HSD17B12: variants seen among roughly 807,000 people sequenced by gnomAD.
HSD17B12 encodes the protein very-long-chain 3-oxoacyl-CoA reductase.
HSD17B12 carries 32 observed loss-of-function variants against 39.3 expected under a neutral mutation model. That is an observed-to-expected ratio of 0.81 (90% CI 0.61 to 1.09). The LOEUF (loss-of-function observed/expected upper bound fraction) is 1.09. HSD17B12 is among the 50% of genes least tolerant of loss of function. The probability of loss-of-function intolerance (pLI) is 0.00; values close to 1 mark genes in which losing one functional copy is unlikely to be tolerated. For missense variants in HSD17B12, 342 were observed against 382.9 expected (o/e 0.89, Z 0.89); for synonymous variants, 150 against 146.7 (o/e 1.02, Z -0.16).
At chr11:43,760,688 A>ATTAATG (rs1336195940) in intron 3 of HSD17B12, among the ~76,000 whole-genome samples, 2 of 152,228 alleles carry the variant, frequency 1.3e-5, no homozygotes, top group African/African-American at 4.8e-5. Context: ...TTTCTGATGC[A>ATTAATG]GTAATAATAC....
At chr11:43,680,581 G>A (rs1949731598), upstream of HSD17B12, 1 of 512,598 alleles carries the variant, frequency 2.0e-6, no homozygotes, top group Non-Finnish European at 3.5e-6. Context: ...CGGGGGACGC[G>A]GTGATGGGAG....
chr11:43,598,868 A>G, the HSD17B12 span, among the ~76,000 whole-genome samples: 1 of 152,278 alleles, frequency 6.6e-6, no homozygotes, highest in East Asian at 1.9e-4. Flanking sequence ...GCACTGTCAT[A>G]CCACATCTGC....
chr11:43,653,519 T>G, the HSD17B12 span, among the ~76,000 whole-genome samples: 1 of 152,240 alleles, frequency 6.6e-6, no homozygotes, highest in East Asian at 1.9e-4. Flanking sequence ...TCATTTAGCA[T>G]TAGGTATATC....
chr11:43,796,549 T>C (rs1235184574), intron 3 of HSD17B12, among the ~76,000 whole-genome samples: 1 of 152,228 alleles, frequency 6.6e-6, no homozygotes, highest in Non-Finnish European at 1.5e-5. Context: ...TTTGGTTCAT[T>C]ACTAAATAAC....
chr11:43,729,281 C>T (rs1481113342), intron 1 of HSD17B12, among the ~76,000 whole-genome samples: 1 of 152,018 alleles, frequency 6.6e-6, no homozygotes, highest in African/African-American at 2.4e-5. Flanking sequence ...TAATAAAATA[C>T]CAAGTTTATA....
At chr11:43,675,622 A>C in the HSD17B12 span, among the ~76,000 whole-genome samples, 4 of 148,132 alleles carry the variant, frequency 2.7e-5, no homozygotes, top group Admixed American at 6.7e-5. Context: ...AAAAAAAAAA[A>C]CCCTCTAGTT....
the HSD17B12 span, among the ~76,000 whole-genome samples, chr11:43,578,034 G>A: frequency 1.3e-5 from 2 of 152,154 alleles, no homozygotes; most frequent in Non-Finnish European, 2.9e-5. Context: ...GGGGGAATGA[G>A]TATCACGCGC....
At chr11:43,769,465 G>A (rs1172121935) in intron 3 of HSD17B12, among the ~76,000 whole-genome samples, 2 of 152,178 alleles carry the variant, frequency 1.3e-5, no homozygotes, top group African/African-American at 2.4e-5. Flanking sequence ...ACGTCACCCA[G>A]TGCACAGTAA....
At chr11:43,745,443 AATC>A (rs1211043036) in intron 1 of HSD17B12, among the ~76,000 whole-genome samples, 2 of 152,168 alleles carry the variant, frequency 1.3e-5, no homozygotes, top group Non-Finnish European at 2.9e-5. Context: ...TCATTGCTGT[AATC>A]ATATATATAG....
chr11:43,689,345 C>G (rs1432304264), intron 1 of HSD17B12, among the ~76,000 whole-genome samples: 2 of 152,070 alleles, frequency 1.3e-5, no homozygotes, highest in Non-Finnish European at 2.9e-5. Context: ...TAACAAGTTT[C>G]TTATCTCTCT....
At chr11:43,693,952 T>A (rs1949886661) in intron 1 of HSD17B12, among the ~76,000 whole-genome samples, 1 of 152,200 alleles carries the variant, frequency 6.6e-6, no homozygotes, top group Non-Finnish European at 1.5e-5. Flanking sequence ...ATCTGTGTGT[T>A]CCAATGCCTA....
At chr11:43,783,822 A>C (rs550619218) in intron 3 of HSD17B12, among the ~76,000 whole-genome samples, 26 of 152,174 alleles carry the variant, frequency 1.7e-4, no homozygotes, top group African/African-American at 5.8e-4. Context: ...TGAAACTGAG[A>C]AACTTAAAAA....
chr11:43,695,406 C>T (rs1949901684), intron 1 of HSD17B12, among the ~76,000 whole-genome samples: 1 of 151,892 alleles, frequency 6.6e-6, no homozygotes, highest in Admixed American at 6.6e-5. Flanking sequence ...CGGTGAAAAC[C>T]GGTCTCTACT....
chr11:43,739,319 C>T (rs1349075867), intron 1 of HSD17B12, among the ~76,000 whole-genome samples: 2 of 152,056 alleles, frequency 1.3e-5, no homozygotes, highest in Admixed American at 6.6e-5. Context: ...GGAGATGAGA[C>T]GGTTTAACTG....
At chr11:43,670,678 C>A in the HSD17B12 span, among the ~76,000 whole-genome samples, 1 of 152,138 alleles carries the variant, frequency 6.6e-6, no homozygotes, top group South Asian at 2.1e-4. Context: ...ATTGCTTGAG[C>A]CCAGGAGTTG....
At chr11:43,564,076 G>A in the HSD17B12 span, among the ~76,000 whole-genome samples, 1 of 152,064 alleles carries the variant, frequency 6.6e-6, no homozygotes, top group Non-Finnish European at 1.5e-5. Context: ...CAAGCTCCTA[G>A]ACTGAAGTGA....
intron 4 of HSD17B12, among the ~76,000 whole-genome samples, chr11:43,813,384 T>C (rs975656251): frequency 1.3e-5 from 2 of 152,168 alleles, no homozygotes; most frequent in Non-Finnish European, 2.9e-5. Context: ...TCCCATAGGC[T>C]AGAGGGAAAT....
intron 3 of HSD17B12, among the ~76,000 whole-genome samples, chr11:43,754,401 C>G (rs767883065): frequency 6.6e-6 from 1 of 151,788 alleles, no homozygotes; most frequent in Non-Finnish European, 1.5e-5. Flanking sequence ...GGTGAAACCC[C>G]GTCTCTACTA....
intron 7 of HSD17B12, among the ~76,000 whole-genome samples, chr11:43,835,796 A>G (rs1364897180): frequency 6.6e-6 from 1 of 152,190 alleles, no homozygotes; most frequent in African/African-American, 2.4e-5. Context: ...GAAGTTTTCA[A>G]TAGGATTAGA....
Sources: gnomAD v4.1 joint callset for allele counts (sites outside exome capture counted in the v4.1 genomes callset) on GRCh38, gnomAD v4.1.1 for gene constraint, MANE v1.5 for transcripts, NCBI Gene and HGNC (gene_info 2026-07-23, HGNC 2026-07-21) for gene names.